The following COL21A1 variants were observed in gnomAD, a reference collection of about 807,000 sequenced individuals.
COL21A1 encodes the protein collagen alpha-1(XXI) chain.
A neutral mutation model predicts 137.9 loss-of-function variants in COL21A1; 149 were observed. The observed-to-expected ratio is 1.08, with a 90% CI of 0.95 to 1.24. The LOEUF (loss-of-function observed/expected upper bound fraction) is 1.24. Among genes scored for constraint, COL21A1 ranks in the 50% most tolerant of loss-of-function variants. The probability of loss-of-function intolerance (pLI) is 0.00; values close to 1 mark genes in which losing one functional copy is unlikely to be tolerated. For synonymous variants in COL21A1, 456 were observed against 391.5 expected (o/e 1.16, Z -1.95); for missense variants, 1,167 against 1,158.4 (o/e 1.01, Z -0.11).
rs1491167489 is a variant in COL21A1, at chr6:56,290,500, T to TTTTTG, written c.-39+103470_-39+103471insCAAAA. Among the ~76,000 whole-genome samples the TTTTTG allele has an allele frequency of 9.1e-5, 10 of 110,308 alleles. 1 individual carries two copies. The South Asian group carries it at 1.1e-3, about 12-fold the overall frequency. 72.4% of individuals were successfully genotyped at this position (110,308 alleles called of 152,430 possible). ...ATGCATATTAGAATCACTTAGGAGA[T>TTTTTG]TTTTTTTTTTTTTTTTTGAGACGAA... On this transcript the variant is annotated intron_variant, in intron 1 of 28. Coordinates refer to the COL21A1 transcript ENST00000370819.
intron 1 of COL21A1, among the ~76,000 whole-genome samples, chr6:56,299,300 T>C (rs12209054): frequency 0.13 from 19,427 of 152,152 alleles, 1,315 homozygotes; most frequent in Middle Eastern, 0.2. Context: ...GCTTAATGTA[T>C]TTTCAAATGC....
At chr6:56,220,690 T>C (rs1257699633) in intron 1 of COL21A1, among the ~76,000 whole-genome samples, 1 of 152,148 alleles carries the variant, frequency 6.6e-6, no homozygotes, top group African/African-American at 2.4e-5. Flanking sequence ...CTTTAGACAG[T>C]TCTAATTGCT....
At chr6:56,381,158 C>A (rs772043464) in intron 1 of COL21A1, among the ~76,000 whole-genome samples, 6 of 152,094 alleles carry the variant, frequency 3.9e-5, no homozygotes, top group Non-Finnish European at 7.4e-5. Flanking sequence ...TTTGTTTATA[C>A]CATGAAATTA....
intron 1 of COL21A1, among the ~76,000 whole-genome samples, chr6:56,238,294 A>G (rs1782042223): frequency 6.6e-6 from 1 of 152,022 alleles, no homozygotes; most frequent in Non-Finnish European, 1.5e-5. Flanking sequence ...CATCTACTCT[A>G]TGGAAAAGGC....
intron 1 of COL21A1, among the ~76,000 whole-genome samples, chr6:56,202,639 C>G (rs1337052451): frequency 1.3e-5 from 2 of 152,104 alleles, no homozygotes; most frequent in African/African-American, 4.8e-5. Context: ...CTATCACATC[C>G]CCATCTAATT....
intron 1 of COL21A1, among the ~76,000 whole-genome samples, chr6:56,374,558 A>G (rs961461447): frequency 6.6e-6 from 1 of 151,944 alleles, no homozygotes; most frequent in Non-Finnish European, 1.5e-5. Context: ...CCCCATCTCT[A>G]CTGAAACTAC....
chr6:56,129,044 C>T (rs777776237), intron 12 of COL21A1, among the ~76,000 whole-genome samples: 21 of 152,184 alleles, frequency 1.4e-4, no homozygotes, highest in Non-Finnish European at 2.4e-4. Flanking sequence ...AATAAACTTT[C>T]GTGTTTCTGC....
chr6:56,086,142 T>C (rs1768220925), intron 17 of COL21A1, among the ~76,000 whole-genome samples: 1 of 152,054 alleles, frequency 6.6e-6, no homozygotes, highest in Admixed American at 6.6e-5. Flanking sequence ...TTAAAAACCA[T>C]TACATATACA....
chr6:56,358,865 T>C (rs377272174), intron 1 of COL21A1, among the ~76,000 whole-genome samples: 55 of 152,280 alleles, frequency 3.6e-4, no homozygotes, highest in African/African-American at 1.3e-3. Flanking sequence ...AATAGAGCTA[T>C]AGGAATATGT....
intron 23 of COL21A1, among the ~76,000 whole-genome samples, chr6:56,065,065 T>TA (rs5876487): frequency 0.083 from 12,468 of 150,702 alleles, 539 homozygotes; most frequent in South Asian, 0.14. Context: ...CACATTTTAG[T>TA]AAAAAAAAAG....
intron 1 of COL21A1, among the ~76,000 whole-genome samples, chr6:56,301,788 C>T (rs1764298796): frequency 6.6e-6 from 1 of 151,896 alleles, no homozygotes; most frequent in Non-Finnish European, 1.5e-5. Flanking sequence ...TATACATGTG[C>T]CATGCTGGTG....
chr6:56,176,554 T>C (rs548315846), intron 3 of COL21A1, among the ~76,000 whole-genome samples: 3 of 144,510 alleles, frequency 2.1e-5, no homozygotes, highest in Admixed American at 1.4e-4. Flanking sequence ...AAATCAATAC[T>C]ACAATGAAAT....
Position 56,101,518 on chromosome 6 carries a change from G to C in COL21A1, c.1766C>G (p.Ala589Gly). The C allele has an allele frequency of 6.3e-7, 1 of 1,588,402 alleles. No individual in the cohort carries two copies. The highest frequency in any genetic ancestry group is 8.6e-7 in the Non-Finnish European group (1 of 1,166,020). ...CTGCCCCGGAGCACCAGGGGATCCT[G>C]CTTCTCCCTTTTAATGATTTGACAA... ...LMGSPGFKGE[A>G]GSPGAPGQDG... Residue 589 changes from alanine to glycine, a missense_variant, in exon 17 of 30, where the codon GCA becomes GGA. Coordinates refer to ENST00000244728, the MANE Select transcript of COL21A1 (RefSeq NM_030820.4).
intron 16 of COL21A1, among the ~76,000 whole-genome samples, chr6:56,112,694 T>A (rs1370976474): frequency 3.3e-5 from 5 of 149,308 alleles, no homozygotes; most frequent in Non-Finnish European, 7.4e-5. Context: ...TTTCTTTTTT[T>A]TTTTTTTGAG....
chr6:56,169,299 G>A (rs552097819), intron 5 of COL21A1, among the ~76,000 whole-genome samples: 42 of 151,992 alleles, frequency 2.8e-4, no homozygotes, highest in African/African-American at 1.0e-3. Context: ...TCTGTTAGGG[G>A]AGATGTTCCA....
chr6:56,325,091 A>C (rs758598685), intron 1 of COL21A1, among the ~76,000 whole-genome samples: 10 of 149,354 alleles, frequency 6.7e-5, no homozygotes, highest in Non-Finnish European at 1.0e-4. Context: ...CAGCATAATA[A>C]TACTCAGGTT....
chr6:56,357,648 AG>A (rs1328234594), intron 1 of COL21A1, among the ~76,000 whole-genome samples: 1 of 152,248 alleles, frequency 6.6e-6, no homozygotes, highest in Non-Finnish European at 1.5e-5. Context: ...GTAATTGGGC[AG>A]CAGGGCTCTG....
At chr6:56,286,164 G>A (rs1763908308) in intron 1 of COL21A1, among the ~76,000 whole-genome samples, 1 of 152,126 alleles carries the variant, frequency 6.6e-6, no homozygotes, top group Non-Finnish European at 1.5e-5. Context: ...GGTTTAAACA[G>A]GGCAAATTCA....
intron 1 of COL21A1, among the ~76,000 whole-genome samples, chr6:56,193,857 C>T (rs773123961): frequency 2.6e-5 from 4 of 151,882 alleles, no homozygotes; most frequent in Admixed American, 6.6e-5. Context: ...CAGGCTCAAG[C>T]GATTCTCCTC....
Sources: allele counts gnomAD v4.1 joint callset (sites outside exome capture counted in the v4.1 genomes callset), GRCh38; gene constraint gnomAD v4.1.1; transcripts MANE v1.5; gene names NCBI Gene and HGNC (gene_info 2026-07-23, HGNC 2026-07-21).